Variants in CDH19 observed in about 807,000 individuals in gnomAD.
The protein encoded by CDH19 is cadherin 19, also known as cadherin-19.
In CDH19, 67 loss-of-function variants were observed where a neutral mutation model predicts 64.2. The ratio of observed to expected loss-of-function variants is 1.04; its 90% CI spans 0.86 to 1.28. The LOEUF (loss-of-function observed/expected upper bound fraction) is 1.28. Ranked by LOEUF, CDH19 falls within the 50% of genes most tolerant of loss-of-function variation. CDH19 has a pLI of 0.00. For synonymous variants in CDH19, 346 were observed against 319.3 expected, an observed-to-expected ratio of 1.08 and a Z score of -0.89; for missense variants, 1,030 against 929.0, an observed-to-expected ratio of 1.11 and a Z score of -1.41.
At chr18:66,531,361 A>T (rs1986438045) in intron 8 of CDH19, among the ~76,000 whole-genome samples, 1 of 152,140 alleles carries the variant, frequency 6.6e-6, no homozygotes, top group Non-Finnish European at 1.5e-5. Flanking sequence ...CACACCTCTA[A>T]ATCCCAGCGC....
chr18:66,510,241 C>CTTA (rs1285243497), intron 10 of CDH19, among the ~76,000 whole-genome samples: 3 of 151,606 alleles, frequency 2.0e-5, no homozygotes, highest in Non-Finnish European at 2.9e-5. Flanking sequence ...CTATGAAACC[C>CTTA]TTAAGGTCTA....
chr18:66,599,947 C>T (rs1988998324), intron 1 of CDH19, among the ~76,000 whole-genome samples: 2 of 151,702 alleles, frequency 1.3e-5, no homozygotes, highest in African/African-American at 4.8e-5. Flanking sequence ...TATGTATCAA[C>T]TTAAGGAAGG....
intron 9 of CDH19, among the ~76,000 whole-genome samples, chr18:66,524,189 AT>A (rs1441872871): frequency 6.6e-6 from 1 of 151,196 alleles, no homozygotes; most frequent in East Asian, 1.9e-4. Flanking sequence ...CTTTATTTTT[AT>A]TTTTTTCCTA....
intron 1 of CDH19, among the ~76,000 whole-genome samples, chr18:66,582,366 G>A (rs1988448207): frequency 6.6e-6 from 1 of 151,810 alleles, no homozygotes; most frequent in Non-Finnish European, 1.5e-5. Context: ...AAAATCAAGG[G>A]AAACTTGGCA....
At chr18:66,593,234 A>G (rs1988792945) in intron 1 of CDH19, among the ~76,000 whole-genome samples, 1 of 151,920 alleles carries the variant, frequency 6.6e-6, no homozygotes, top group South Asian at 2.1e-4. Flanking sequence ...ACAGCAAAAT[A>G]AATAGGAATT....
At chr18:66,557,125 G>A (rs1987547984) in intron 3 of CDH19, among the ~76,000 whole-genome samples, 1 of 152,046 alleles carries the variant, frequency 6.6e-6, no homozygotes, top group Admixed American at 6.6e-5. Context: ...CATGTTCACT[G>A]CAGACTTATT....
intron 9 of CDH19, among the ~76,000 whole-genome samples, chr18:66,517,808 AGAT>A (rs1276885093): frequency 6.6e-6 from 1 of 151,954 alleles, no homozygotes; most frequent in African/African-American, 2.4e-5. Flanking sequence ...AAGTATGTGA[AGAT>A]GATATTTTGG....
rs973391572 is a variant in CDH19, at chr18:66,566,862, T to A, written c.490+1554A>T. 2.6e-5 allele frequency among the ~76,000 whole-genome samples: 4 copies of A among 151,994 alleles called. No individual in the cohort carries two copies. In the East Asian group the frequency reaches 7.8e-4, roughly 30 times the overall value. On this transcript the variant is annotated intron_variant, in intron 3 of 11. Transcript: ENST00000262150. ...CCAGCTACGTTCTCTGCCAAAGGGA[T>A]CTCATTCATTGCCATGCCTGACATA...
Position 66,568,733 on chromosome 18 carries a change from T to C in CDH19, c.196-23A>G. The C allele has an allele frequency of 1.9e-6, 3 of 1,555,774 alleles. No individual in the cohort carries two copies. The East Asian group carries it at 6.8e-5, about 35-fold the overall frequency. On this transcript the variant is annotated intron_variant, in intron 2 of 11. Transcript: ENST00000262150. ...TAGCTGCAAATGGAAAGAGGGATCA[T>C]TTAGTTTCCAAACATCTGAAATGGA...
chr18:66,517,127 C>T (rs887083674), intron 9 of CDH19, among the ~76,000 whole-genome samples: 4 of 151,816 alleles, frequency 2.6e-5, no homozygotes, highest in Non-Finnish European at 5.9e-5. Flanking sequence ...GGCAGAGATA[C>T]AGTTATTTGG....
chr18:66,548,816 T>A (rs1483401296), intron 5 of CDH19, among the ~76,000 whole-genome samples: 3 of 152,218 alleles, frequency 2.0e-5, no homozygotes, highest in Non-Finnish European at 2.9e-5. Flanking sequence ...AAAGCATCTT[T>A]AGCTAAGTAT....
In CDH19 at chr18:66,529,847, G is replaced by T; in HGVS notation, c.1456C>A (p.Gln486Lys). ...TGTAATTTATAATGAGTCCTTACCT[G>T]ACCAGAGCCTGCATTTTCACAAACA... ...TYVCENAGSG[Q>K]VIQTISAVDR... is the part of the protein sequence containing the mutation. Residue 486 changes from glutamine to lysine, a missense_variant and splice_region_variant, in exon 9 of 12, where the codon CAG becomes AAG. Transcript: ENST00000262150. 1.9e-6 allele frequency: 3 copies of T among 1,587,604 alleles called. No individual in the cohort carries two copies. The highest frequency in any genetic ancestry group is 2.3e-5 in the South Asian group (2 of 87,756).
chr18:66,525,870 G>A (rs551892563), intron 9 of CDH19, among the ~76,000 whole-genome samples: 1 of 152,104 alleles, frequency 6.6e-6, no homozygotes, highest in Non-Finnish European at 1.5e-5. Flanking sequence ...ACATCTGCAC[G>A]TCCCAAAATA....
intron 3 of CDH19, among the ~76,000 whole-genome samples, chr18:66,565,427 T>C (rs928495788): frequency 6.6e-6 from 1 of 152,052 alleles, no homozygotes; most frequent in East Asian, 1.9e-4. Flanking sequence ...AATAGGCAGT[T>C]CACTTCAATA....
Position 66,535,009 on chromosome 18 carries a change from A to G in CDH19, c.1313T>C (p.Leu438Pro). The G allele has an allele frequency of 6.7e-7, 1 of 1,490,298 alleles. No individual in the cohort carries two copies. Among genetic ancestry groups the G allele is most frequent in the Non-Finnish European group, 9.1e-7 (1 of 1,102,196 alleles). The allele number at this position is 1,490,298 out of a possible 1,614,324, so 92.3% of individuals were successfully genotyped here. A position where few individuals can be genotyped will look rare whatever the true frequency, so the allele number is the denominator to read the frequency against. The change falls in exon 8 of 12, where the codon CTA becomes CCA. Residue 438 changes from leucine to proline, a missense_variant. Coordinates refer to ENST00000262150, the MANE Select transcript of CDH19 (RefSeq NM_021153.4). ...ACATTTTTCTGTGGCTGTAATACTTAGGTTGTACCAAGCACTGATTTCACG... is the reference window on the plus strand; with the variant it reads ...ACATTTTTCTGTGGCTGTAATACTTGGGTTGTACCAAGCACTGATTTCACG... ...LDREISAWYN[L>P]SITATEKYNI...
intron 9 of CDH19, among the ~76,000 whole-genome samples, chr18:66,527,412 G>C (rs1986265565): frequency 1.3e-5 from 2 of 151,928 alleles, no homozygotes; most frequent in African/African-American, 4.8e-5. Context: ...AAGAATCTCT[G>C]CTGTCATAAA....
chr18:66,545,124 G>A (rs1031759409), intron 5 of CDH19, among the ~76,000 whole-genome samples: 2 of 151,714 alleles, frequency 1.3e-5, no homozygotes, highest in African/African-American at 2.4e-5. Flanking sequence ...GTCTACAAGC[G>A]CCCACCACCA....
At chr18:66,571,567 G>C (rs1169552391) in intron 2 of CDH19, among the ~76,000 whole-genome samples, 1 of 151,564 alleles carries the variant, frequency 6.6e-6, no homozygotes, top group Admixed American at 6.6e-5. Flanking sequence ...ATCAATTTAA[G>C]TGTGTAGGCT....
chr18:66,554,606 C>T, intron 3 of CDH19, 82 bp from the exon 4 acceptor site: 1 of 1,114,958 alleles, frequency 9.0e-7, no homozygotes, highest in Non-Finnish European at 1.3e-6. Context: ...CTTTCTTTAC[C>T]AAGCAAGATG....
Sources: gnomAD v4.1 joint callset for allele counts (sites outside exome capture counted in the v4.1 genomes callset) on GRCh38, gnomAD v4.1.1 for gene constraint, MANE v1.5 for transcripts, NCBI Gene and HGNC (gene_info 2026-07-23, HGNC 2026-07-21) for gene names.